Variants in TRPC4 observed in about 807,000 individuals in gnomAD.
The protein encoded by TRPC4 is transient receptor potential cation channel subfamily C member 4.
A neutral mutation model predicts 99.4 loss-of-function variants in TRPC4; 49 were observed. That is an observed-to-expected ratio of 0.49 (90% confidence interval 0.39 to 0.63). The LOEUF (loss-of-function observed/expected upper bound fraction) is 0.63. TRPC4 is among the 20% of genes least tolerant of loss of function. The pLI, the probability that TRPC4 is intolerant of heterozygous loss-of-function variation, is 0.00. For missense variants in TRPC4, 898 were observed against 1,152.9 expected (o/e 0.78, Z 3.20); for synonymous variants, 454 against 425.9 (o/e 1.07, Z -0.81).
chr13:37,814,560 A>T (rs1384416513), intron 1 of TRPC4, among the ~76,000 whole-genome samples: 1 of 151,874 alleles, frequency 6.6e-6, no homozygotes, highest in African/African-American at 2.4e-5. Context: ...CATGTAAAAC[A>T]ACATCAAAAA....
intron 8 of TRPC4, among the ~76,000 whole-genome samples, chr13:37,648,036 G>A (rs1012107546): frequency 6.6e-6 from 1 of 152,046 alleles, no homozygotes; most frequent in Non-Finnish European, 1.5e-5. Context: ...TCTGCCTCCC[G>A]GGTTCAAGCG....
chr13:37,826,481 T>C (rs1481926392), intron 1 of TRPC4, among the ~76,000 whole-genome samples: 2 of 146,072 alleles, frequency 1.4e-5, no homozygotes, highest in Admixed American at 7.0e-5. Context: ...GGTGACAAAA[T>C]CTCTCAGCAT....
intron 1 of TRPC4, among the ~76,000 whole-genome samples, chr13:37,823,706 G>A (rs1958098239): frequency 6.7e-6 from 1 of 149,124 alleles, no homozygotes; most frequent in Admixed American, 6.8e-5. Context: ...CAGGTAGTGT[G>A]ATGCCTCCAG....
At chr13:37,639,648 A>T (rs1951653806) in intron 8 of TRPC4, among the ~76,000 whole-genome samples, 1 of 151,930 alleles carries the variant, frequency 6.6e-6, no homozygotes, top group Non-Finnish European at 1.5e-5. Context: ...ATAAAAATTT[A>T]AAAGTTTTCA....
intron 3 of TRPC4, among the ~76,000 whole-genome samples, chr13:37,728,818 C>CA (rs1293557281): frequency 1.1e-4 from 17 of 151,488 alleles, no homozygotes; most frequent in South Asian, 6.2e-4. Context: ...TTAGCACTGG[C>CA]AAAAAAAACC....
rs779566010 is a variant in TRPC4 at position 37,746,283 on chromosome 13, C to A, written c.551G>T (p.Ser184Ile). Reference sequence around the variant, plus strand: ...GTGACGGAGGCTGTCCACATCTGAACTGGACACGCATTCCACACAGTTACA... The same window carrying A: ...GTGACGGAGGCTGTCCACATCTGAAATGGACACGCATTCCACACAGTTACA... ...VRCNCVECVS[S>I]SDVDSLRHSR... is the part of the protein sequence containing the mutation. Residue 184 changes from serine (S) to isoleucine (I), a missense_variant, in exon 3 of 11, where the codon AGT becomes ATT. Physicochemically the swap from Ser to Ile is moderately radical, Grantham distance 142. This residue lies in a region of TRPC4 where 278 missense variants were observed against 346.6 expected (regional missense o/e 0.80). Coordinates refer to ENST00000379705, the MANE Select transcript of TRPC4 (RefSeq NM_016179.4). 2 of 1,613,848 alleles carry A rather than the reference C, an allele frequency of 1.2e-6. No homozygotes were observed. Among genetic ancestry groups the A allele is most frequent in the South Asian group, 2.2e-5 (2 of 91,082 alleles).
chr13:37,669,548 T>C (rs753789981), intron 5 of TRPC4, among the ~76,000 whole-genome samples: 5 of 152,240 alleles, frequency 3.3e-5, no homozygotes, highest in Non-Finnish European at 5.9e-5. Context: ...CTTGAAGTCA[T>C]ACATATTTTT....
At chr13:37,695,566 C>A (rs1953878064) in intron 3 of TRPC4, among the ~76,000 whole-genome samples, 1 of 152,176 alleles carries the variant, frequency 6.6e-6, no homozygotes, top group African/African-American at 2.4e-5. Flanking sequence ...GAGTTGTTGG[C>A]CAATTCTAGC....
rs1958710512 is a variant in TRPC4, at chr13:37,840,793, T to G, written c.-28+28802A>C. 7.9e-5 allele frequency among the ~76,000 whole-genome samples: 12 copies of G among 152,184 alleles called. No individual in the cohort carries two copies. The South Asian group carries it at 2.5e-3, about 32-fold the overall frequency. On this transcript the variant is annotated intron_variant, in intron 1 of 10. Coordinates refer to ENST00000379705, the MANE Select transcript of TRPC4 (RefSeq NM_016179.4). ...TCAGCCACCAAAAGTTGGCCTTCCA[T>G]CTTTTGTTGATTTGAGTCTATCATC...
Position 37,633,712 on chromosome 13 carries a change from G to A in TRPC4, c.*3191C>T, listed in dbSNP as rs1331132534. On this transcript the variant is annotated 3_prime_UTR_variant, in exon 11 of 11. Coordinates refer to ENST00000379705, the MANE Select transcript of TRPC4 (RefSeq NM_016179.4). ...AGTATGTTTTTGCATTAGTTTAATT[G>A]CCATCCAGTAAATAGAGTAACTAAT... Among the ~76,000 whole-genome samples, 1 of 151,952 alleles carries A rather than the reference G, an allele frequency of 6.6e-6. No individual in the cohort carries two copies. Among genetic ancestry groups the A allele is most frequent in the Admixed American group, 6.6e-5 (1 of 15,236 alleles).
intron 1 of TRPC4, among the ~76,000 whole-genome samples, chr13:37,796,462 A>G (rs753120214): frequency 1.3e-5 from 2 of 152,092 alleles, no homozygotes; most frequent in Non-Finnish European, 2.9e-5. Context: ...TTATTCTGTT[A>G]CTGAATGGCC....
At chr13:37,780,570 T>A (rs555515540) in intron 2 of TRPC4, among the ~76,000 whole-genome samples, 1 of 152,122 alleles carries the variant, frequency 6.6e-6, no homozygotes, top group Non-Finnish European at 1.5e-5. Flanking sequence ...ATCAAGGACA[T>A]ATTTGCTACT....
chr13:37,823,196 G>A lies in TRPC4; in HGVS notation c.-27-39836C>T, dbSNP rs1461974825. ...GCCCTTTGTCAGATGAGTAGGTTGC[G>A]AAAATTTTCTCCCATTTTGTAGGTT... On this transcript the variant is annotated intron_variant, in intron 1 of 10. Coordinates refer to ENST00000379705, the MANE Select transcript of TRPC4 (RefSeq NM_016179.4). Among the ~76,000 whole-genome samples, 46 of 147,920 alleles carry A rather than the reference G, an allele frequency of 3.1e-4. 1 individual carries two copies. Among genetic ancestry groups the A allele is most frequent in the South Asian group, 1.5e-3 (7 of 4,666 alleles).
intron 5 of TRPC4, among the ~76,000 whole-genome samples, chr13:37,666,171 A>G (rs1365071824): frequency 6.6e-6 from 1 of 152,168 alleles, no homozygotes; most frequent in Non-Finnish European, 1.5e-5. Context: ...CCCAGAGACA[A>G]TTTATTTACT....
At chr13:37,847,309 A>G (rs987083716) in intron 1 of TRPC4, among the ~76,000 whole-genome samples, 1 of 152,142 alleles carries the variant, frequency 6.6e-6, no homozygotes, top group African/African-American at 2.4e-5. Context: ...AAATCTTAAC[A>G]AATTTAAGAG....
intron 3 of TRPC4, among the ~76,000 whole-genome samples, chr13:37,743,602 C>T (rs1955655731): frequency 6.6e-6 from 1 of 152,078 alleles, no homozygotes; most frequent in Non-Finnish European, 1.5e-5. Flanking sequence ...GACCTGACAC[C>T]TGGGAATCCC....
intron 1 of TRPC4, among the ~76,000 whole-genome samples, chr13:37,800,674 CAT>C: frequency 6.6e-6 from 1 of 151,912 alleles, no homozygotes; most frequent in East Asian, 1.9e-4. Context: ...AAAATATATA[CAT>C]GTGTATAGAA....
At chr13:37,717,365 G>A (rs2139016178) in intron 3 of TRPC4, among the ~76,000 whole-genome samples, 1 of 152,242 alleles carries the variant, frequency 6.6e-6, no homozygotes, top group Middle Eastern at 3.4e-3. Flanking sequence ...GAAGAGGAAT[G>A]GACATAGGTT....
At chr13:37,768,140 A>G (rs1218456093) in intron 2 of TRPC4, among the ~76,000 whole-genome samples, 1 of 151,546 alleles carries the variant, frequency 6.6e-6, no homozygotes, top group Admixed American at 6.6e-5. Flanking sequence ...TGAACTACCA[A>G]TATCACATGA....
Sources: gnomAD v4.1 joint callset for allele counts (sites outside exome capture counted in the v4.1 genomes callset) on GRCh38, gnomAD v4.1.1 for gene constraint, gnomAD v4.1.1 regional missense constraint, MANE v1.5 for transcripts, NCBI Gene and HGNC (gene_info 2026-07-23, HGNC 2026-07-21) for gene names.